The following NRXN1 variants were observed in gnomAD, a reference collection of about 807,000 sequenced individuals.
NRXN1 encodes the protein neurexin 1.
In NRXN1, 39 loss-of-function variants were observed where a neutral mutation model predicts 150.9. The observed-to-expected ratio is 0.26, with a 90% CI of 0.20 to 0.34. The LOEUF (loss-of-function observed/expected upper bound fraction) is 0.34. Ranked by LOEUF, NRXN1 falls within the 10% of genes least tolerant of loss-of-function variation. The pLI is 1.00. For synonymous variants in NRXN1, 924 were observed against 757.0 expected, an observed-to-expected ratio of 1.22 and a Z score of -3.62; for missense variants, 1,815 against 1,949.9, an observed-to-expected ratio of 0.93 and a Z score of 1.30.
intron 16 of NRXN1, among the ~76,000 whole-genome samples, chr2:50,466,850 A>G (rs1355627449): frequency 6.6e-6 from 1 of 151,818 alleles, no homozygotes; most frequent in Non-Finnish European, 1.5e-5. Flanking sequence ...AGCACCATTC[A>G]TCATGTGCAG....
intron 18 of NRXN1, among the ~76,000 whole-genome samples, chr2:50,219,995 TATATATTATATAATATATTA>T (rs1559116415): frequency 6.4e-4 from 23 of 35,784 alleles, no homozygotes; most frequent in Middle Eastern, 0.015. Context: ...TTATATATAA[TATATATTATATAATATATTA>T]TATATATATA....
At chr2:49,960,170 G>A (rs1675683854) in intron 21 of NRXN1, among the ~76,000 whole-genome samples, 1 of 152,162 alleles carries the variant, frequency 6.6e-6, no homozygotes, top group South Asian at 2.1e-4. Flanking sequence ...GCAAGAATGT[G>A]TATGAGTTTC....
rs541733372 is a variant in NRXN1 at position 50,623,673 on chromosome 2, G to A, written c.833-58C>T. On this transcript the variant is annotated intron_variant, in intron 5 of 22. Transcript: ENST00000401669. ...AACAAATACACTATGCAAATCAGCA[G>A]GTCTTAACAGAAACAATAGCTAATC... 1.2e-5 allele frequency: 15 copies of A among 1,254,586 alleles called. No homozygotes were observed. In the East Asian group the frequency reaches 2.2e-4, roughly 18 times the overall value. The allele number at this position is 1,254,586 out of a possible 1,614,324, so 77.7% of individuals were successfully genotyped here.
intron 18 of NRXN1, among the ~76,000 whole-genome samples, chr2:50,157,282 G>A (rs1023846456): frequency 3.3e-5 from 5 of 152,020 alleles, no homozygotes; most frequent in African/African-American, 1.2e-4. Context: ...TCTAAGAGTA[G>A]TTGGCATTGT....
At chr2:50,485,113 G>T (rs2090769216) in intron 15 of NRXN1, among the ~76,000 whole-genome samples, 1 of 152,102 alleles carries the variant, frequency 6.6e-6, no homozygotes, top group Non-Finnish European at 1.5e-5. Flanking sequence ...TAAAATGGGG[G>T]CACTAATAAT....
chr2:50,093,529 G>C (rs1157902220), intron 18 of NRXN1, among the ~76,000 whole-genome samples: 1 of 151,692 alleles, frequency 6.6e-6, no homozygotes, highest in African/African-American at 2.4e-5. Context: ...CAACTACTCA[G>C]GAGGCTGAGG....
rs961377079 is a variant in NRXN1, at chr2:50,770,131, G to A, written c.833-146516C>T. ...TGCCCTTGACAGGTGAACAAGATTT[G>A]TCAGGGAAATAACATTATAATAATA... On this transcript the variant is annotated intron_variant, in intron 5 of 22. Coordinates refer to ENST00000401669, the MANE Select transcript of NRXN1 (RefSeq NM_001330078.2). Among the ~76,000 whole-genome samples, 8 of 152,014 alleles carry A rather than the reference G, an allele frequency of 5.3e-5. No individual in the cohort carries two copies. The East Asian group carries it at 9.7e-4, about 18-fold the overall frequency.
intron 18 of NRXN1, among the ~76,000 whole-genome samples, chr2:50,110,377 A>G (rs1014504999): frequency 6.6e-6 from 1 of 151,784 alleles, no homozygotes; most frequent in Non-Finnish European, 1.5e-5. Flanking sequence ...CTGTAGTCCC[A>G]GCTGCTCGGG....
intron 17 of NRXN1, among the ~76,000 whole-genome samples, chr2:50,412,318 A>G (rs933463785): frequency 1.8e-5 from 2 of 109,300 alleles, no homozygotes; most frequent in East Asian, 8.5e-4. Flanking sequence ...TAAATACTAA[A>G]AAAATAAATA....
At chr2:50,117,129 A>T (rs1446907149) in intron 18 of NRXN1, among the ~76,000 whole-genome samples, 2 of 152,180 alleles carry the variant, frequency 1.3e-5, no homozygotes, top group East Asian at 3.8e-4. Context: ...TTTGTATCAG[A>T]ATCTGTTTAG....
chr2:49,997,566 T>C (rs1683201752), intron 21 of NRXN1, among the ~76,000 whole-genome samples: 1 of 152,184 alleles, frequency 6.6e-6, no homozygotes, highest in Non-Finnish European at 1.5e-5. Flanking sequence ...TTCTCAAGTA[T>C]TTTCTGAGTA....
At chr2:50,051,094 A>T (rs1000386843) in intron 21 of NRXN1, among the ~76,000 whole-genome samples, 1 of 152,012 alleles carries the variant, frequency 6.6e-6, no homozygotes, top group Non-Finnish European at 1.5e-5. Flanking sequence ...CAAACATGTA[A>T]TAGCTTATAA....
At chr2:50,331,215 A>G (rs929018820) in intron 17 of NRXN1, among the ~76,000 whole-genome samples, 8 of 152,288 alleles carry the variant, frequency 5.3e-5, no homozygotes, top group African/African-American at 1.9e-4. Context: ...TGGAAATAAT[A>G]TGCAAGAAAG....
chr2:50,953,992 C>T (rs572034538), intron 2 of NRXN1, among the ~76,000 whole-genome samples: 1 of 152,230 alleles, frequency 6.6e-6, no homozygotes, highest in East Asian at 1.9e-4. Flanking sequence ...TCAATACTTT[C>T]TAAGCATTCA....
intron 8 of NRXN1, chr2:50,619,628 TTTC>T (rs1679635286): frequency 8.9e-6 from 3 of 336,940 alleles, no homozygotes; most frequent in Admixed American, 9.5e-5. Flanking sequence ...CTAATTGCTT[TTTC>T]TTCTTTTTTC....
At chr2:50,487,811 T>C (rs2090984783) in intron 15 of NRXN1, among the ~76,000 whole-genome samples, 1 of 152,194 alleles carries the variant, frequency 6.6e-6, no homozygotes, top group Non-Finnish European at 1.5e-5. Context: ...CTGGGCCCCT[T>C]TGTCCATTAC....
chr2:50,507,252 C>A (rs1217915818), intron 12 of NRXN1, among the ~76,000 whole-genome samples: 5 of 151,962 alleles, frequency 3.3e-5, no homozygotes, highest in African/African-American at 7.3e-5. Context: ...AAAAACACAT[C>A]GAAATAAACC....
intron 17 of NRXN1, among the ~76,000 whole-genome samples, chr2:50,398,372 AAAAGGGTATACTATTC>A (rs2082178019): frequency 6.6e-6 from 1 of 152,134 alleles, no homozygotes; most frequent in African/African-American, 2.4e-5. Context: ...CGAGTAACTA[AAAAGGGTATACTATTC>A]AAACGCAATG....
intron 18 of NRXN1, among the ~76,000 whole-genome samples, chr2:50,102,540 C>T (rs1039670862): frequency 6.6e-6 from 1 of 151,984 alleles, no homozygotes; most frequent in Non-Finnish European, 1.5e-5. Flanking sequence ...GGTTAACAAA[C>T]CAGATGGTGC....
Sources: gnomAD v4.1 joint callset for allele counts (sites outside exome capture counted in the v4.1 genomes callset) on GRCh38, gnomAD v4.1.1 for gene constraint, MANE v1.5 for transcripts, NCBI Gene and HGNC (gene_info 2026-07-23, HGNC 2026-07-21) for gene names.